KAZN: variants seen among roughly 807,000 people sequenced by gnomAD.
KAZN encodes the protein kazrin.
KAZN carries 40 observed loss-of-function variants against 87.4 expected under a neutral mutation model. The ratio of observed to expected loss-of-function variants is 0.46; its 90% CI spans 0.36 to 0.60. The LOEUF (loss-of-function observed/expected upper bound fraction) is 0.60. KAZN is among the 20% of genes least tolerant of loss of function. KAZN has a pLI of 0.00. For synonymous variants in KAZN, 466 were observed against 458.3 expected, an observed-to-expected ratio of 1.02 and a Z score of -0.22; for missense variants, 898 against 1,073.9, an observed-to-expected ratio of 0.84 and a Z score of 2.29.
intron 2 of KAZN, among the ~76,000 whole-genome samples, chr1:14,251,643 C>CTGTTTT (rs1650042818): frequency 1.1e-5 from 1 of 90,370 alleles, no homozygotes; most frequent in African/African-American, 5.9e-5. Context: ...TTCTCCCGGA[C>CTGTTTT]TTTTTTTTTT....
At chr1:14,418,586 A>G (rs1665037401) in intron 2 of KAZN, among the ~76,000 whole-genome samples, 1 of 152,206 alleles carries the variant, frequency 6.6e-6, no homozygotes, top group Non-Finnish European at 1.5e-5. Context: ...AAGGAAAATG[A>G]GTTTGCCTCT....
chr1:14,460,711 T>C (rs537798210), intron 2 of KAZN, among the ~76,000 whole-genome samples: 1 of 152,316 alleles, frequency 6.6e-6, no homozygotes, highest in South Asian at 2.1e-4. Context: ...AGGAGTCCCT[T>C]CCTCATCAGG....
In KAZN at chr1:15,096,193, G is replaced by A. The variant is rs1640798240; in HGVS notation, c.1547+1260G>A. ...CTCCTGCCCCCTTACCCCACACCCA[G>A]CAGGGTCCATAAACACTGCCTGTGT... On this transcript the variant is annotated intron_variant, in intron 10 of 14. Coordinates refer to ENST00000376030, the MANE Select transcript of KAZN (RefSeq NM_201628.3). This position sits in a 1 kb window ranked among gnomAD's most constrained non-coding sequence, Gnocchi z 4.5. Among the ~76,000 whole-genome samples, 1 of 152,162 alleles carries A rather than the reference G, an allele frequency of 6.6e-6. No homozygotes were observed.
chr1:14,067,574 C>A (rs1422367052), intron 1 of KAZN, among the ~76,000 whole-genome samples: 2 of 152,142 alleles, frequency 1.3e-5, no homozygotes, highest in African/African-American at 4.8e-5. Context: ...TGCCTGGTGC[C>A]TCATGCTGCT....
intron 2 of KAZN, among the ~76,000 whole-genome samples, chr1:14,324,516 T>C (rs1656267113): frequency 6.6e-6 from 1 of 152,180 alleles, no homozygotes; most frequent in South Asian, 2.1e-4. Context: ...GGCAAGGTGG[T>C]AAATGTTACC....
chr1:14,849,236 G>T (rs1235393870), intron 1 of KAZN, among the ~76,000 whole-genome samples: 2 of 152,190 alleles, frequency 1.3e-5, no homozygotes, highest in Non-Finnish European at 1.5e-5. Flanking sequence ...CTGATTCCAA[G>T]AAGTGGTAAC....
chr1:14,187,368 G>C (rs994904542), intron 2 of KAZN, among the ~76,000 whole-genome samples: 1 of 152,076 alleles, frequency 6.6e-6, no homozygotes, highest in African/African-American at 2.4e-5. Flanking sequence ...TACCCTCTCA[G>C]ACTCCTAGAA....
chr1:14,205,165 T>G (rs1646713593), intron 2 of KAZN, among the ~76,000 whole-genome samples: 1 of 152,202 alleles, frequency 6.6e-6, no homozygotes, highest in Non-Finnish European at 1.5e-5. Flanking sequence ...CACCTACATG[T>G]AATTCACTGG....
At chr1:14,602,436 G>A (rs1042056209) in intron 1 of KAZN, among the ~76,000 whole-genome samples, 4 of 152,188 alleles carry the variant, frequency 2.6e-5, no homozygotes, top group African/African-American at 4.8e-5. Flanking sequence ...TGCCTTTTGG[G>A]TCGGTGGGGT....
intron 1 of KAZN, among the ~76,000 whole-genome samples, chr1:14,108,906 C>A (rs1452541643): frequency 6.6e-6 from 1 of 152,176 alleles, no homozygotes; most frequent in Non-Finnish European, 1.5e-5. Context: ...CTAGTTCCAT[C>A]ATGGCTGGGT....
At position 15,099,612 on chromosome 1, in the gene KAZN, G is replaced by A. The variant is rs1308884430; in HGVS notation, c.1548-1931G>A. ...AGGACCCCAAGCCCCATGTGCGTTG[G>A]GGGAGGGGAAGTCAGCCAGGGCCAG... On this transcript the variant is annotated intron_variant, in intron 10 of 14. Coordinates refer to ENST00000376030, the MANE Select transcript of KAZN (RefSeq NM_201628.3). The surrounding 1 kb of genome is among the most constrained non-coding windows in gnomAD (Gnocchi z 5.4). Among the ~76,000 whole-genome samples, 1 of 152,192 alleles carries A rather than the reference G, an allele frequency of 6.6e-6. No homozygotes were observed. The highest frequency in any genetic ancestry group is 1.9e-4 in the East Asian group (1 of 5,188).
At chr1:14,672,760 C>G (rs1639988837) in intron 1 of KAZN, among the ~76,000 whole-genome samples, 1 of 152,200 alleles carries the variant, frequency 6.6e-6, no homozygotes, top group Non-Finnish European at 1.5e-5. Context: ...GAGACAGCAG[C>G]ACTGCCATTG....
chr1:14,914,989 G>A (rs892882916), intron 1 of KAZN, among the ~76,000 whole-genome samples: 6 of 152,172 alleles, frequency 3.9e-5, no homozygotes, highest in Middle Eastern at 3.4e-3. Flanking sequence ...TCAGGAGTTC[G>A]AGACCAGCCT....
intron 1 of KAZN, among the ~76,000 whole-genome samples, chr1:14,619,500 T>C (rs1678525364): frequency 6.6e-6 from 1 of 152,222 alleles, no homozygotes; most frequent in African/African-American, 2.4e-5. Flanking sequence ...GTGCCAGGCA[T>C]TGAATCATTC....
intron 1 of KAZN, among the ~76,000 whole-genome samples, chr1:13,907,777 T>C (rs1639499681): frequency 6.6e-6 from 1 of 151,974 alleles, no homozygotes; most frequent in South Asian, 2.1e-4. Context: ...GAAAGCTCAG[T>C]CTCCCCATGA....
At chr1:13,954,845 C>G (rs1002918544) in intron 1 of KAZN, among the ~76,000 whole-genome samples, 1 of 152,108 alleles carries the variant, frequency 6.6e-6, no homozygotes, top group African/African-American at 2.4e-5. Flanking sequence ...TTCTTTCCCA[C>G]TATTTTAAAT....
At chr1:14,329,577 T>A (rs900238383) in intron 2 of KAZN, among the ~76,000 whole-genome samples, 2 of 152,120 alleles carry the variant, frequency 1.3e-5, no homozygotes, top group Non-Finnish European at 2.9e-5. Flanking sequence ...AGAACTGGGA[T>A]CAGTGGGTGG....
intron 2 of KAZN, among the ~76,000 whole-genome samples, chr1:14,993,896 T>A (rs991090348): frequency 2.0e-5 from 3 of 152,208 alleles, no homozygotes; most frequent in Non-Finnish European, 4.4e-5. Flanking sequence ...GGAGGGTTTC[T>A]TTGGGTGGGC....
At chr1:13,924,761 T>C (rs147507317) in intron 1 of KAZN, among the ~76,000 whole-genome samples, 1 of 152,326 alleles carries the variant, frequency 6.6e-6, no homozygotes, top group African/African-American at 2.4e-5. Context: ...TTCCATACGT[T>C]GATTGATGTC....
Sources: gnomAD v4.1 joint callset for allele counts (sites outside exome capture counted in the v4.1 genomes callset) on GRCh38, gnomAD v4.1.1 for gene constraint, Gnocchi (gnomAD v3.1) non-coding constraint, MANE v1.5 for transcripts, NCBI Gene and HGNC (gene_info 2026-07-23, HGNC 2026-07-21) for gene names.